The following CTIF variants were observed in gnomAD, a reference collection of about 807,000 sequenced individuals.
CTIF encodes CBP80/20-dependent translation initiation factor.
In CTIF, 21 loss-of-function variants were observed where a neutral mutation model predicts 66.0. The ratio of observed to expected loss-of-function variants is 0.32; its 90% CI spans 0.23 to 0.46. CTIF has a LOEUF of 0.46. CTIF is among the 20% of genes least tolerant of loss of function. The pLI is 1.00. For missense variants in CTIF, 739 were observed against 812.7 expected (o/e 0.91, Z 1.10); for synonymous variants, 345 against 326.4 (o/e 1.06, Z -0.62).
chr18:48,784,714 G>T (rs1911550443), intron 9 of CTIF, among the ~76,000 whole-genome samples: 2 of 152,116 alleles, frequency 1.3e-5, no homozygotes, highest in African/African-American at 4.8e-5. Context: ...GGGGCCTAAG[G>T]GTCAGGGGAT....
intron 3 of CTIF, among the ~76,000 whole-genome samples, chr18:48,658,223 T>C (rs1458462252): frequency 6.6e-6 from 1 of 151,238 alleles, no homozygotes; most frequent in Non-Finnish European, 1.5e-5. Context: ...TGTGGATATG[T>C]GTGTGTGTGT....
intron 10 of CTIF, among the ~76,000 whole-genome samples, chr18:48,824,723 C>G (rs1456321978): frequency 6.6e-6 from 1 of 152,020 alleles, no homozygotes; most frequent in African/African-American, 2.4e-5. Flanking sequence ...CTGCAACCTT[C>G]TTCGCCTCCC....
rs771110793 is a variant in CTIF, at chr18:48,636,255, G to T, written c.181-359G>T. Reference sequence around the variant, plus strand: ...GGCCACACCCGTGATGTAATAGAGGGTTAGTGTGGCTGAAGCCAGGTCAGG... The same window carrying T: ...GGCCACACCCGTGATGTAATAGAGGTTTAGTGTGGCTGAAGCCAGGTCAGG... On this transcript the variant is annotated intron_variant, in intron 2 of 11. Transcript: ENST00000256413. Among the ~76,000 whole-genome samples, 5 of 152,248 alleles carry T rather than the reference G, an allele frequency of 3.3e-5. No individual in the cohort carries two copies. In the South Asian group the frequency reaches 8.3e-4, roughly 25 times the overall value.
At chr18:48,650,062 G>T (rs112033185) in intron 3 of CTIF, among the ~76,000 whole-genome samples, 2 of 152,184 alleles carry the variant, frequency 1.3e-5, no homozygotes, top group Non-Finnish European at 2.9e-5. Context: ...AAACAAGAGC[G>T]CCTCTTCTCC....
chr18:48,715,590 C>T (rs574697818), intron 7 of CTIF, among the ~76,000 whole-genome samples: 31 of 152,208 alleles, frequency 2.0e-4, no homozygotes, highest in Admixed American at 2.0e-3. Context: ...GGAGACCCGG[C>T]GCACTGCCCA....
intron 7 of CTIF, among the ~76,000 whole-genome samples, chr18:48,730,053 G>A (rs202088516): frequency 2.0e-4 from 30 of 152,202 alleles, no homozygotes; most frequent in Admixed American, 8.5e-4. Flanking sequence ...GCTGCCCAGC[G>A]CAGTCACCAC....
At position 48,636,645 on chromosome 18, in the gene CTIF, G is replaced by T. The variant is rs2090827671; in HGVS notation, c.212G>T (p.Ser71Ile). 2 of 1,599,548 alleles carry T rather than the reference G, an allele frequency of 1.3e-6. No homozygotes were observed. The highest frequency in any genetic ancestry group is 1.7e-6 in the Non-Finnish European group (2 of 1,174,214). Residue 71 changes from serine to isoleucine, a missense_variant, in exon 3 of 12, where the codon AGC (serine) becomes ATC (isoleucine). Ser to Ile is a moderately radical substitution (Grantham distance 142, BLOSUM62 -2). Transcript: ENST00000256413. ...GCGGACTGCAGCGAACCGCTGGACA[G>T]CAGCTGTTCCTTCTCCCGAGGGCGA... ...WTADCSEPLD[S>I]SCSFSRGRAP... is the part of the protein sequence containing the mutation.
At chr18:48,703,930 C>T (rs2092117774) in intron 6 of CTIF, among the ~76,000 whole-genome samples, 1 of 152,222 alleles carries the variant, frequency 6.6e-6, no homozygotes, top group Non-Finnish European at 1.5e-5. Context: ...GCCAGGCAGA[C>T]ACAGGAGGCT....
At chr18:48,751,721 G>A (rs1184027223) in intron 7 of CTIF, among the ~76,000 whole-genome samples, 1 of 152,146 alleles carries the variant, frequency 6.6e-6, no homozygotes, top group African/African-American at 2.4e-5. Flanking sequence ...CTTAAGACCT[G>A]GATAGGATTA....
chr18:48,596,699 A>G (rs1156613607), intron 1 of CTIF, among the ~76,000 whole-genome samples: 3 of 152,096 alleles, frequency 2.0e-5, no homozygotes, highest in African/African-American at 7.2e-5. Flanking sequence ...GATGGTCTCC[A>G]TCTTCTGATC....
Position 48,769,296 on chromosome 18 carries a change from G to A in CTIF, c.1371+7607G>A, listed in dbSNP as rs117560377. On this transcript the variant is annotated intron_variant, in intron 9 of 11. Transcript: ENST00000256413. ...CAAAAGCCCTGGCCATACCCACATCGAGCTCCCCTCCACTAGTTGCTAGAA... is the reference window on the plus strand; with the variant it reads ...CAAAAGCCCTGGCCATACCCACATCAAGCTCCCCTCCACTAGTTGCTAGAA... Among the ~76,000 whole-genome samples the A allele has an allele frequency of 2.4e-4, 36 of 152,300 alleles. No individual in the cohort carries two copies. In the East Asian group the frequency reaches 6.5e-3, roughly 28 times the overall value.
At chr18:48,828,066 T>G (rs959862080) in intron 10 of CTIF, among the ~76,000 whole-genome samples, 1 of 136,338 alleles carries the variant, frequency 7.3e-6, no homozygotes, top group African/African-American at 2.8e-5. Context: ...TTAGCCAGAC[T>G]CTGCAAACTG....
chr18:48,612,629 T>G (rs1207428708), intron 1 of CTIF, among the ~76,000 whole-genome samples: 2 of 151,746 alleles, frequency 1.3e-5, no homozygotes, highest in Non-Finnish European at 2.9e-5. Context: ...CTGTGATGAG[T>G]GGATTTAGCA....
At chr18:48,586,694 T>C (rs1020175112) in intron 1 of CTIF, among the ~76,000 whole-genome samples, 14 of 152,386 alleles carry the variant, frequency 9.2e-5, no homozygotes, top group African/African-American at 3.1e-4. Flanking sequence ...TTGCTTTTTA[T>C]GCTCTGCTCA....
chr18:48,586,152 T>C (rs1294779696), intron 1 of CTIF, among the ~76,000 whole-genome samples: 1 of 151,996 alleles, frequency 6.6e-6, no homozygotes, highest in African/African-American at 2.4e-5. Context: ...ATTTAACGAG[T>C]TTTAAAATAC....
chr18:48,794,904 C>A (rs1039498616), intron 9 of CTIF, among the ~76,000 whole-genome samples: 9 of 151,948 alleles, frequency 5.9e-5, no homozygotes, highest in African/African-American at 1.9e-4. Flanking sequence ...TGTGTGGATG[C>A]ATGGGTGATC....
chr18:48,808,543 CTCTT>C (rs2068198137), intron 9 of CTIF, among the ~76,000 whole-genome samples: 1 of 129,660 alleles, frequency 7.7e-6, no homozygotes, highest in Non-Finnish European at 1.6e-5. Context: ...TAACATTTGA[CTCTT>C]TATTCCATCT....
chr18:48,650,812 C>T (rs1004131248), intron 3 of CTIF, among the ~76,000 whole-genome samples: 7 of 150,726 alleles, frequency 4.6e-5, no homozygotes, highest in Admixed American at 6.7e-5. Flanking sequence ...AGAGTGGAGG[C>T]CAATATTCAA....
chr18:48,759,769 G>T (rs1004545148), intron 8 of CTIF, among the ~76,000 whole-genome samples: 1 of 152,234 alleles, frequency 6.6e-6, no homozygotes, highest in African/African-American at 2.4e-5. Context: ...CTGCCCTGGG[G>T]CCCAGATGGT....
Sources: gnomAD v4.1 joint callset for allele counts (sites outside exome capture counted in the v4.1 genomes callset) on GRCh38, gnomAD v4.1.1 for gene constraint, MANE v1.5 for transcripts, NCBI Gene and HGNC (gene_info 2026-07-23, HGNC 2026-07-21) for gene names.